Variants in LTBP4 observed in about 807,000 individuals in gnomAD.
LTBP4 encodes latent-transforming growth factor beta-binding protein 4.
Under a neutral mutation model 180.2 loss-of-function variants are expected in LTBP4, and 93 were observed. The ratio of observed to expected loss-of-function variants is 0.52; its 90% CI spans 0.44 to 0.61. The LOEUF is 0.61. Ranked by LOEUF, LTBP4 falls within the 20% of genes least tolerant of loss-of-function variation. The pLI, the probability that LTBP4 is intolerant of heterozygous loss-of-function variation, is 0.00. For synonymous variants in LTBP4, 947 were observed against 934.5 expected (o/e 1.01, Z -0.24); for missense variants, 2,116 against 2,256.5 (o/e 0.94, Z 1.26).
Position 40,629,500 on chromosome 19 carries a change from G to A in LTBP4, c.4624G>A (p.Ala1542Thr). 2.5e-6 allele frequency: 4 copies of A among 1,600,224 alleles called. No homozygotes were observed. The highest frequency in any genetic ancestry group is 1.7e-5 in the Admixed American group (1 of 59,570). The change falls in exon 30 of 30, where the codon GCA (alanine) becomes ACA (threonine). Residue 1542 changes from alanine (A) to threonine (T), a missense_variant. This residue lies in a region of LTBP4 where 488 missense variants were observed against 458.8 expected (regional missense o/e 1.06). Transcript: ENST00000396819. This position sits in a 1 kb window ranked among gnomAD's most constrained non-coding sequence, Gnocchi z 4.5. The part of the protein sequence containing the change: ...SFRCICRPGF[A>T]PTHQPHHCAP... ...CCGCTGCATCTGCCGCCCGGGATTC[G>A]CACCCACGCACCAGCCGCACCACTG...
Position 40,601,626 on chromosome 19 carries a change from G to C in LTBP4, c.239G>C (p.Gly80Ala). 6.6e-6 allele frequency: 9 copies of C among 1,371,224 alleles called. No individual in the cohort carries two copies. Among genetic ancestry groups the C allele is most frequent in the Non-Finnish European group, 8.4e-6 (9 of 1,069,550 alleles). The allele number at this position is 1,371,224 out of a possible 1,614,324, so 84.9% of individuals were successfully genotyped here. A position where few individuals can be genotyped will look rare whatever the true frequency, so the allele number is the denominator to read the frequency against. The stretch of plus-strand genomic sequence containing the variant: ...GGCGGGGCGGCCCCGGGGGGACCCG[G>C]CTTCCGCGCCTGTGAGTGCGGGGTG... ...APGGAAPGGP[G>A]FRAFLCPLIC... The change falls in exon 1 of 30, where the codon GGC (glycine) becomes GCC (alanine). Residue 80 changes from glycine to alanine, a missense_variant. By Grantham distance (60) the Gly-to-Ala change is moderately conservative (BLOSUM62 0). Around this residue, in one of 5 missense-constraint regions of LTBP4, gnomAD observed 469 missense variants for 532.5 expected, o/e 0.88. Transcript: ENST00000396819.
rs1461613108 is a variant in LTBP4 at position 40,613,459 on chromosome 19, C to T, written c.2487C>T (p.Asn829=). 6.2e-7 allele frequency: 1 copy of T among 1,600,268 alleles called. No individual in the cohort carries two copies. The highest frequency in any genetic ancestry group is 1.3e-5 in the African/African-American group (1 of 74,746). ...GCTTCCCTCACGGCGAGTGCCTCAA[C>T]ACTGACGGCTCCTTTGCCTGTACTT... The part of the protein sequence containing the change: ...DFCFPHGECL[N]TDGSFACTCA... The change falls in exon 17 of 30, where the codon AAC becomes AAT. Residue 829 remains asparagine (N), a synonymous_variant. Transcript: ENST00000396819. The surrounding 1 kb of genome is among the most constrained non-coding windows in gnomAD (Gnocchi z 5.0).
At position 40,614,297 on chromosome 19, in the gene LTBP4, C is replaced by T. The variant is rs373199836; in HGVS notation, c.2681-18C>T. 7.8e-5 allele frequency: 124 copies of T among 1,591,928 alleles called. No individual in the cohort carries two copies. In the African/African-American group the frequency reaches 1.6e-3, roughly 20 times the overall value. On this transcript the variant is annotated intron_variant, in intron 18 of 29. Coordinates refer to ENST00000396819, the MANE Select transcript of LTBP4 (RefSeq NM_001042545.2). ...CCTCCCTGCTTCCCACATCCGACCA[C>T]CCGACCTCTCTCCTCAGACGTGGAC...
intron 1 of LTBP4, chr19:40,594,435 C>T (rs552076515): frequency 3.3e-5 from 5 of 152,052 alleles, no homozygotes; most frequent in Non-Finnish European, 5.9e-5. Flanking sequence ...AGGCTAACGC[C>T]GGAAGTTGCA....
chr19:40,624,066 C>A lies in LTBP4; in HGVS notation c.3816C>A (p.Asn1272Lys). ...GCTCGCAGCGCCGCTGCGTCTCCAA[C>A]GAGAGCCAGAGCCTCGGTAACCCCG... The part of the protein sequence containing the change: ...LDGSQRRCVS[N>K]ESQSLDDNLG... Residue 1272 changes from asparagine to lysine, a missense_variant, in exon 26 of 30, where the codon AAC becomes AAA. Coordinates refer to ENST00000396819, the MANE Select transcript of LTBP4 (RefSeq NM_001042545.2). The A allele has an allele frequency of 6.4e-7, 1 of 1,573,198 alleles. No individual in the cohort carries two copies. The highest frequency in any genetic ancestry group is 8.6e-7 in the Non-Finnish European group (1 of 1,156,102).
upstream of LTBP4, chr19:40,599,081 A>G (rs536761703): frequency 5.7e-4 from 508 of 895,924 alleles, 4 homozygotes; most frequent in Middle Eastern, 1.1e-3. Context: ...CTCGTTAGTC[A>G]TATACCTGTT....
upstream of LTBP4, chr19:40,601,236 C>A (rs1474497354): frequency 2.1e-6 from 1 of 486,826 alleles, no homozygotes; most frequent in Non-Finnish European, 2.7e-6. Flanking sequence ...CCCAGCCCCA[C>A]GCGCCCCCGC....
In LTBP4 at chr19:40,614,373, C is replaced by G. The variant is rs2303726; in HGVS notation, c.2739C>G (p.Asn913Lys). The G allele has an allele frequency of 6.2e-7, 1 of 1,600,540 alleles. No homozygotes were observed. Among genetic ancestry groups the G allele is most frequent in the South Asian group, 1.1e-5 (1 of 91,078 alleles). The change falls in exon 19 of 30, where the codon AAC becomes AAG. Residue 913 changes from asparagine to lysine, a missense_variant. Asn to Lys is a moderately conservative substitution (Grantham distance 94, BLOSUM62 0). Transcript: ENST00000396819. ...TGTGCGGGTCGCAGCGCTGTGAGAA[C>G]TCTCCCGGCTCCTACCGCTGTGTCC... ...PALCGSQRCE[N>K]SPGSYRCVRD...
chr19:40,614,973 C>G (rs553598152), intron 19 of LTBP4, among the ~76,000 whole-genome samples: 1 of 152,156 alleles, frequency 6.6e-6, no homozygotes, highest in African/African-American at 2.4e-5. Context: ...CTTCCTTGGT[C>G]TCTCTAGACA....
intron 11 of LTBP4, 116 bp from the exon 12 acceptor site, chr19:40,610,416 A>T: frequency 1.6e-6 from 2 of 1,288,516 alleles, no homozygotes; most frequent in Non-Finnish European, 2.1e-6. Context: ...CCGGGTCCCC[A>T]TCCTGGCTCT....
rs35809725 is a variant in LTBP4, at chr19:40,627,287, A to T, written c.4298A>T (p.Tyr1433Phe). Residue 1433 changes from tyrosine to phenylalanine, a missense_variant, in exon 28 of 30, where the codon TAT becomes TTT. Physicochemically the swap from Tyr to Phe is conservative, Grantham distance 22. Transcript: ENST00000396819. The part of the protein sequence containing the change: ...APPGPGTRWP[Y>F]RSRDTRRSFP... ...CCTGGCCCGGGCACCCGCTGGCCCT[A>T]TCGGTCCCGGGACACCCGCCGCTCC... 16,336 of 1,520,930 alleles carry T rather than the reference A, an allele frequency of 0.011. 116 individuals are homozygous for T. The highest frequency in any genetic ancestry group is 0.028 in the Middle Eastern group (158 of 5,706). The allele number at this position is 1,520,930 out of a possible 1,614,324, so 94.2% of individuals were successfully genotyped here.
rs976315818 is a variant in LTBP4 at position 40,629,808 on chromosome 19, C to T, written c.*258C>T. The T allele has an allele frequency of 6.2e-6, 2 of 322,758 alleles. No individual in the cohort carries two copies. Among genetic ancestry groups the T allele is most frequent in the Non-Finnish European group, 1.1e-5 (2 of 178,072 alleles). 20.0% of individuals were successfully genotyped at this position (322,758 alleles called of 1,614,324 possible). On this transcript the variant is annotated 3_prime_UTR_variant, in exon 30 of 30. Transcript: ENST00000396819. This position sits in a 1 kb window ranked among gnomAD's most constrained non-coding sequence, Gnocchi z 4.5. ...TTATAAAATTTTCCATTAAAAACCA[C>T]CTATTTTCTATCTTTTGCCTCCTCC...
At chr19:40,608,181 C>G in intron 7 of LTBP4, 39 bp from the exon 8 acceptor site, 1 of 1,612,346 alleles carries the variant, frequency 6.2e-7, no homozygotes, top group Non-Finnish European at 8.5e-7. Flanking sequence ...TTTCTTCCCG[C>G]TCTCTTGTCC....
intron 21 of LTBP4, among the ~76,000 whole-genome samples, chr19:40,617,643 C>CA (rs56053315): frequency 0.048 from 5,657 of 117,620 alleles, 201 homozygotes; most frequent in African/African-American, 0.06. Flanking sequence ...GACCCTGTCT[C>CA]AAAAAAAAAA....
chr19:40,601,839 A>G (rs372536195), intron 1 of LTBP4, among the ~76,000 whole-genome samples: 1 of 151,988 alleles, frequency 6.6e-6, no homozygotes, highest in Non-Finnish European at 1.5e-5. Flanking sequence ...TTTGCAAGCA[A>G]TGAGGGTTCT....
Position 40,611,899 on chromosome 19 carries a change from C to T in LTBP4, c.2094C>T (p.Tyr698=), listed in dbSNP as rs756890972. Residue 698 remains tyrosine (Y), a synonymous_variant, in exon 14 of 30, where the codon TAC becomes TAT. Coordinates refer to ENST00000396819, the MANE Select transcript of LTBP4 (RefSeq NM_001042545.2). This position sits in a 1 kb window ranked among gnomAD's most constrained non-coding sequence, Gnocchi z 4.4. ...CCCGAAGCCCCCCACCCTGCACCTA[C>T]GGCCGGTGTGAGAACACAGAAGGCA... is the stretch of plus-strand genomic sequence containing the variant. ...ECARSPPPCT[Y]GRCENTEGSF... is the part of the protein sequence containing the mutation. 20 of 1,608,956 alleles carry T rather than the reference C, an allele frequency of 1.2e-5. No individual in the cohort carries two copies. The highest frequency in any genetic ancestry group is 4.0e-5 in the African/African-American group (3 of 74,790).
In LTBP4 at chr19:40,608,585, C is replaced by G. The variant is rs1193487206; in HGVS notation, c.1408C>G (p.Pro470Ala). 9 of 1,594,616 alleles carry G rather than the reference C, an allele frequency of 5.6e-6. No homozygotes were observed. The highest frequency in any genetic ancestry group is 7.7e-6 in the Non-Finnish European group (9 of 1,171,102). ...PLPSIPAWTGPEIPESGPSSG... is the reference protein window; with the variant it reads ...PLPSIPAWTGAEIPESGPSSG... ...GCCCAGCATCCCTGCCTGGACTGGT[C>G]CTGAGATTCCTGAATCAGGTTTGCT... Residue 470 changes from proline to alanine, a missense_variant, in exon 9 of 30, where the codon CCT (proline) becomes GCT (alanine). Physicochemically the swap from Pro to Ala is conservative, Grantham distance 27. Transcript: ENST00000396819.
chr19:40,610,806 G>A, intron 12 of LTBP4, 149 bp downstream of exon 12: 2 of 1,216,614 alleles, frequency 1.6e-6, no homozygotes, highest in Non-Finnish European at 2.2e-6. Flanking sequence ...CCTGATGGCA[G>A]TAGAGAGAGA....
At chr19:40,626,511 C>A (rs1396260393) in intron 27 of LTBP4, among the ~76,000 whole-genome samples, 1 of 152,052 alleles carries the variant, frequency 6.6e-6, no homozygotes, top group African/African-American at 2.4e-5. Flanking sequence ...CAGAGATTCC[C>A]AAGTCTTGGT....
Sources: allele counts gnomAD v4.1 joint callset (sites outside exome capture counted in the v4.1 genomes callset), GRCh38; gene constraint gnomAD v4.1.1; regional missense constraint gnomAD v4.1.1; non-coding constraint Gnocchi (gnomAD v3.1); transcripts MANE v1.5; gene names NCBI Gene and HGNC (gene_info 2026-07-23, HGNC 2026-07-21).